Variants in DMC1 observed in about 807,000 individuals in gnomAD.
DMC1 encodes the protein DNA meiotic recombinase 1, also known as meiotic recombination protein DMC1 homolog.
DMC1 carries 27 observed loss-of-function variants against 50.1 expected under a neutral mutation model. The ratio of observed to expected loss-of-function variants is 0.54; its 90% CI spans 0.40 to 0.74. The LOEUF (loss-of-function observed/expected upper bound fraction) is 0.74. Among genes scored for constraint, DMC1 ranks in the 30% least tolerant of loss-of-function variants. The pLI is 0.00. For synonymous variants in DMC1, 148 were observed against 136.1 expected (o/e 1.09, Z -0.61); for missense variants, 295 against 420.2 (o/e 0.70, Z 2.60).
intron 6 of DMC1, among the ~76,000 whole-genome samples, chr22:38,554,022 C>T (rs1040566636): frequency 1.3e-5 from 2 of 148,158 alleles, no homozygotes; most frequent in African/African-American, 5.0e-5. Context: ...ATCCCAGCTA[C>T]ACAGGAAGCT....
At chr22:38,568,406 T>C (rs945927574) in intron 1 of DMC1, 117 bp from the exon 2 acceptor site, 1 of 746,128 alleles carries the variant, frequency 1.3e-6, no homozygotes. Context: ...CTTGGAAAGA[T>C]GAGGCCAGCC....
downstream of DMC1, among the ~76,000 whole-genome samples, chr22:38,514,111 G>A (rs1472604856): frequency 6.6e-6 from 1 of 152,130 alleles, no homozygotes; most frequent in Non-Finnish European, 1.5e-5. Flanking sequence ...TCAGTTTCGT[G>A]AGCCACTGAA....
chr22:38,532,887 C>T (rs140111410), intron 12 of DMC1, among the ~76,000 whole-genome samples: 4,497 of 151,644 alleles, frequency 0.03, 216 homozygotes, highest in African/African-American at 0.1. Flanking sequence ...GGATTACAGG[C>T]GTGAGCCACC....
intron 12 of DMC1, among the ~76,000 whole-genome samples, chr22:38,535,854 C>T (rs2090205657): frequency 6.6e-6 from 1 of 151,434 alleles, no homozygotes; most frequent in Non-Finnish European, 1.5e-5. Flanking sequence ...GTGATCCTCC[C>T]ACCTCGGCCT....
intron 5 of DMC1, among the ~76,000 whole-genome samples, chr22:38,555,838 T>C (rs1312297029): frequency 6.7e-6 from 1 of 149,590 alleles, no homozygotes; most frequent in Non-Finnish European, 1.5e-5. Flanking sequence ...TTATTATTAT[T>C]TTTTTTTTTT....
chr22:38,530,193 C>T (rs2090138642), intron 12 of DMC1, among the ~76,000 whole-genome samples: 2 of 151,986 alleles, frequency 1.3e-5, no homozygotes, highest in African/African-American at 2.4e-5. Context: ...TCTCGAACTC[C>T]TGACCTCAGG....
At chr22:38,513,681 G>A in the DMC1 span, among the ~76,000 whole-genome samples, 1 of 152,152 alleles carries the variant, frequency 6.6e-6, no homozygotes, top group Non-Finnish European at 1.5e-5. Context: ...CGGTTCAAGC[G>A]ATTTTCTTGC....
intron 9 of DMC1, among the ~76,000 whole-genome samples, chr22:38,538,992 T>A (rs981107276): frequency 6.7e-6 from 1 of 149,778 alleles, no homozygotes; most frequent in Non-Finnish European, 1.5e-5. Context: ...GCCGAGATCA[T>A]ACCACTGCAC....
At chr22:38,533,792 G>T (rs1028599364) in intron 12 of DMC1, among the ~76,000 whole-genome samples, 2 of 152,046 alleles carry the variant, frequency 1.3e-5, no homozygotes, top group South Asian at 2.1e-4. Context: ...ATATAAAAGA[G>T]AATTTTTGTA....
the DMC1 span, among the ~76,000 whole-genome samples, chr22:38,512,707 A>C: frequency 6.6e-6 from 1 of 152,060 alleles, no homozygotes; most frequent in Non-Finnish European, 1.5e-5. Flanking sequence ...CTTGAGAGGC[A>C]CTCTGTTGTT....
At position 38,568,192 on chromosome 22, in the gene DMC1, C is replaced by G. The variant is rs1249224520; in HGVS notation, c.51+14G>C. ...GATCGAATGTCTATATATCTTTCAA[C>G]ATTTTAGTCATACCTCTTCATCTTG... On this transcript the variant is annotated intron_variant, in intron 2 of 13. Transcript: ENST00000216024. 1 of 1,612,826 alleles carries G rather than the reference C, an allele frequency of 6.2e-7. No homozygotes were observed. The highest frequency in any genetic ancestry group is 8.5e-7 in the Non-Finnish European group (1 of 1,178,908).
chr22:38,554,192 G>T (rs2090444908), intron 6 of DMC1, among the ~76,000 whole-genome samples: 1 of 151,932 alleles, frequency 6.6e-6, no homozygotes, highest in Non-Finnish European at 1.5e-5. Flanking sequence ...AAAGCCTGGG[G>T]TTCCCCTACT....
intron 7 of DMC1, among the ~76,000 whole-genome samples, chr22:38,551,790 A>AG (rs1287869703): frequency 6.6e-6 from 1 of 151,888 alleles, no homozygotes; most frequent in Non-Finnish European, 1.5e-5. Context: ...AACTTGCCCA[A>AG]GGTCACACAG....
intron 12 of DMC1, 59 bp downstream of exon 12, chr22:38,537,533 C>T (rs2090227920): frequency 1.0e-5 from 15 of 1,484,518 alleles, no homozygotes; most frequent in South Asian, 4.5e-5. Context: ...TTCTATTCTA[C>T]GCTCTAACCC....
chr22:38,517,425 C>T (rs1452701667), downstream of DMC1, among the ~76,000 whole-genome samples: 3 of 152,036 alleles, frequency 2.0e-5, no homozygotes, highest in East Asian at 1.9e-4. Context: ...AAAAAATTAG[C>T]GAGCATTGTG....
At chr22:38,570,007 C>CA (rs2090622713) in intron 1 of DMC1, 36 bp downstream of exon 1, 1 of 152,408 alleles carries the variant, frequency 6.6e-6, no homozygotes, top group South Asian at 2.1e-4. Context: ...AGCGTCCCCT[C>CA]AGAGTCTTCG....
Position 38,566,603 on chromosome 22 carries a change from G to A in DMC1, c.230C>T (p.Ala77Val). The part of the protein sequence containing the change: ...EAKVDKIKEA[A>V]NKLIEPGFLT... ...GATTTTGCTTACAATTAGTTTGTTC[G>A]CTGCCTCTTTAATCTTGTCTACTTT... The change falls in exon 4 of 14, where the codon GCG (alanine) becomes GTG (valine). Residue 77 changes from alanine to valine, a missense_variant. Transcript: ENST00000216024. The A allele has an allele frequency of 6.2e-7, 1 of 1,614,112 alleles. No individual in the cohort carries two copies. Among genetic ancestry groups the A allele is most frequent in the Non-Finnish European group, 8.5e-7 (1 of 1,179,998 alleles).
At chr22:38,568,453 G>C (rs1227217575) in intron 1 of DMC1, 164 bp from the exon 2 acceptor site, 1 of 342,706 alleles carries the variant, frequency 2.9e-6, no homozygotes, top group Non-Finnish European at 5.3e-6. Context: ...ATTATTTCTT[G>C]TGTGTGTGTG....
chr22:38,518,486 C>G (rs542426166), downstream of DMC1, among the ~76,000 whole-genome samples: 1 of 151,996 alleles, frequency 6.6e-6, no homozygotes, highest in African/African-American at 2.4e-5. Context: ...TAATCAAATA[C>G]CTTTTGTAAC....
Sources: allele counts gnomAD v4.1 joint callset (sites outside exome capture counted in the v4.1 genomes callset), GRCh38; gene constraint gnomAD v4.1.1; transcripts MANE v1.5; gene names NCBI Gene and HGNC (gene_info 2026-07-23, HGNC 2026-07-21).